CNOT6L: variants seen among roughly 807,000 people sequenced by gnomAD.
The protein encoded by CNOT6L is CCR4-NOT transcription complex subunit 6 like.
In CNOT6L, 7 loss-of-function variants were observed where a neutral mutation model predicts 64.0. That is an observed-to-expected ratio of 0.11 (90% CI 0.06 to 0.21). The LOEUF (loss-of-function observed/expected upper bound fraction) is 0.21, where lower values mean the gene tolerates loss of function less well. CNOT6L is among the 10% of genes least tolerant of loss of function. The pLI, the probability that CNOT6L is intolerant of heterozygous loss-of-function variation, is 1.00. For synonymous variants in CNOT6L, 193 were observed against 243.4 expected (o/e 0.79, Z 1.93); for missense variants, 245 against 669.0 (o/e 0.37, Z 6.99).
At chr4:77,773,979 C>T (rs1322620277) in intron 3 of CNOT6L, among the ~76,000 whole-genome samples, 1 of 151,952 alleles carries the variant, frequency 6.6e-6, no homozygotes, top group Non-Finnish European at 1.5e-5. Context: ...TGTTTAAACA[C>T]GTGATAGCAA....
intron 1 of CNOT6L, among the ~76,000 whole-genome samples, chr4:77,814,653 T>C (rs1733356284): frequency 6.6e-6 from 1 of 152,180 alleles, no homozygotes; most frequent in Non-Finnish European, 1.5e-5. Flanking sequence ...TGCAAGATGT[T>C]AGAGAAGTAT....
chr4:77,772,381 C>T (rs1308868655), intron 4 of CNOT6L, among the ~76,000 whole-genome samples: 1 of 152,094 alleles, frequency 6.6e-6, no homozygotes, highest in Non-Finnish European at 1.5e-5. Context: ...CATGCACCAC[C>T]ACACACGGCT....
chr4:77,818,924 G>A (rs763144064), intron 1 of CNOT6L: 17 of 601,430 alleles, frequency 2.8e-5, no homozygotes, highest in Admixed American at 2.4e-4. Context: ...CCGCGCGTGT[G>A]CCGCACTCAC....
intron 1 of CNOT6L, among the ~76,000 whole-genome samples, chr4:77,805,254 A>G (rs1419748744): frequency 6.6e-6 from 1 of 152,192 alleles, no homozygotes; most frequent in East Asian, 1.9e-4. Flanking sequence ...TTTTTTACAA[A>G]GAGTACATAT....
intron 4 of CNOT6L, among the ~76,000 whole-genome samples, chr4:77,764,817 T>C (rs1726644602): frequency 1.3e-5 from 2 of 152,190 alleles, no homozygotes; most frequent in Admixed American, 6.5e-5. Context: ...TCATCGCCCC[T>C]GTTCAGCATG....
At chr4:77,763,376 T>A (rs1267844793) in intron 4 of CNOT6L, among the ~76,000 whole-genome samples, 1 of 152,014 alleles carries the variant, frequency 6.6e-6, no homozygotes, top group Admixed American at 6.6e-5. Context: ...ATATTAGAAA[T>A]ACAGACTATA....
chr4:77,778,799 C>A (rs1251594740), intron 1 of CNOT6L, among the ~76,000 whole-genome samples: 2 of 151,472 alleles, frequency 1.3e-5, no homozygotes, highest in African/African-American at 4.8e-5. Context: ...AATCCTAGCA[C>A]TTTGGGAGGC....
chr4:77,785,016 C>T (rs952171716), intron 1 of CNOT6L, among the ~76,000 whole-genome samples: 2 of 152,048 alleles, frequency 1.3e-5, no homozygotes, highest in Admixed American at 6.5e-5. Flanking sequence ...TAGATGTGCA[C>T]GCTATCTGAT....
intron 6 of CNOT6L, among the ~76,000 whole-genome samples, chr4:77,747,839 A>C (rs986775615): frequency 6.6e-5 from 10 of 152,208 alleles, no homozygotes; most frequent in African/African-American, 2.4e-4. Flanking sequence ...TATAGTAAAT[A>C]TATGTCTAGT....
intron 1 of CNOT6L, among the ~76,000 whole-genome samples, chr4:77,788,097 C>CA (rs1203621175): frequency 2.0e-5 from 3 of 152,054 alleles, no homozygotes; most frequent in African/African-American, 7.2e-5. Context: ...CACAATTTGG[C>CA]AAAAAGTAAG....
chr4:77,785,661 A>ATGTTTCC (rs1729350861), intron 1 of CNOT6L, among the ~76,000 whole-genome samples: 2 of 152,242 alleles, frequency 1.3e-5, no homozygotes, highest in African/African-American at 4.8e-5. Flanking sequence ...AAGATGCACA[A>ATGTTTCC]CATTAGGCAT....
chr4:77,808,605 T>C (rs1732526728), intron 1 of CNOT6L, among the ~76,000 whole-genome samples: 1 of 152,188 alleles, frequency 6.6e-6, no homozygotes, highest in South Asian at 2.1e-4. Context: ...GGATGAATTT[T>C]ACAAGGATTT....
chr4:77,753,737 A>G (rs1333532843), intron 5 of CNOT6L, among the ~76,000 whole-genome samples: 4 of 152,040 alleles, frequency 2.6e-5, no homozygotes, highest in Admixed American at 6.6e-5. Flanking sequence ...TAGGGTATAA[A>G]AAGATAATAA....
intron 11 of CNOT6L, among the ~76,000 whole-genome samples, chr4:77,721,039 A>G (rs2109848985): frequency 6.6e-6 from 1 of 152,336 alleles, no homozygotes; most frequent in South Asian, 2.1e-4. Flanking sequence ...GCACATACAT[A>G]GTTAACGGTA....
chr4:77,721,326 T>C (rs1721255808), intron 11 of CNOT6L, among the ~76,000 whole-genome samples: 1 of 152,180 alleles, frequency 6.6e-6, no homozygotes, highest in Non-Finnish European at 1.5e-5. Context: ...CTGTCAGAGC[T>C]AGATGACTGG....
intron 1 of CNOT6L, among the ~76,000 whole-genome samples, chr4:77,801,902 CT>C (rs981206096): frequency 1.3e-5 from 2 of 152,144 alleles, no homozygotes; most frequent in African/African-American, 4.8e-5. Context: ...CTATGTCCCC[CT>C]GTCCTAAAAT....
intron 1 of CNOT6L, among the ~76,000 whole-genome samples, chr4:77,818,523 G>C (rs1178252242): frequency 6.6e-6 from 1 of 152,060 alleles, no homozygotes; most frequent in African/African-American, 2.4e-5. Context: ...CCTCCACACA[G>C]CCTTAGGGGA....
chr4:77,819,075 C>CA (rs71214371), intron 1 of CNOT6L: 54 of 732,770 alleles, frequency 7.4e-5, no homozygotes, highest in African/African-American at 4.9e-4. Flanking sequence ...CACACACACA[C>CA]CCCGGAACCT....
chr4:77,726,301 T>C lies in CNOT6L; in HGVS notation c.1321A>G (p.Asn441Asp). 6.2e-7 allele frequency: 1 copy of C among 1,613,810 alleles called. No homozygotes were observed. Among genetic ancestry groups the C allele is most frequent in the Non-Finnish European group, 8.5e-7 (1 of 1,179,750 alleles). ...NHKDFKELRY[N>D]ECLMNFSCNG... ...CAGCTGAAGTTCATAAGACACTCAT[T>C]GTACCTTAGTTCCTTGAAGTCTTTA... Residue 441 changes from asparagine (N) to aspartate (D), a missense_variant, in exon 11 of 12, where the codon AAT becomes GAT. Physicochemically the swap from Asn to Asp is conservative, Grantham distance 23. Coordinates refer to ENST00000504123, the MANE Select transcript of CNOT6L (RefSeq NM_144571.3).
Sources: allele counts gnomAD v4.1 joint callset (sites outside exome capture counted in the v4.1 genomes callset), GRCh38; gene constraint gnomAD v4.1.1; transcripts MANE v1.5; gene names NCBI Gene and HGNC (gene_info 2026-07-23, HGNC 2026-07-21).